SLC16A2: variants seen among roughly 807,000 people sequenced by gnomAD.
SLC16A2 encodes monocarboxylate transporter 8.
Under a neutral mutation model 27.2 loss-of-function variants are expected in SLC16A2, and 3 were observed. The ratio of observed to expected loss-of-function variants is 0.11; its 90% CI spans 0.05 to 0.28. The LOEUF is 0.28. Among genes scored for constraint, SLC16A2 ranks in the 10% least tolerant of loss-of-function variants. The probability of loss-of-function intolerance (pLI) is 1.00; values close to 1 mark genes in which losing one functional copy is unlikely to be tolerated. For missense variants in SLC16A2, 295 were observed against 458.5 expected (o/e 0.64, Z 3.26); for synonymous variants, 202 against 187.8 (o/e 1.08, Z -0.62).
chrX:74,472,676 T>C (rs1224850656), intron 1 of SLC16A2, among the ~76,000 whole-genome samples: 1 of 110,636 alleles, frequency 9.0e-6, no homozygotes, highest in Non-Finnish European at 1.9e-5. Flanking sequence ...TCTTCTTTTT[T>C]TTTAAAAAGA....
chrX:74,429,578 T>C (rs1385619919), intron 1 of SLC16A2, among the ~76,000 whole-genome samples: 1 of 110,946 alleles, frequency 9.0e-6, no homozygotes, highest in African/African-American at 3.3e-5. Flanking sequence ...GAAAGGGAAA[T>C]GTTGCCAAAC....
chrX:74,524,844 C>T lies in SLC16A2; in HGVS notation c.1026+35C>T, dbSNP rs151072741. On this transcript the variant is annotated intron_variant, in intron 3 of 5. Coordinates refer to ENST00000587091, the MANE Select transcript of SLC16A2 (RefSeq NM_006517.5). ...ACCAGAGTGGGCCCACCCCACCTGG[C>T]CCCAAGAAGCTACCCTCAACCTGCC... The T allele has an allele frequency of 6.7e-4, 757 of 1,135,741 alleles. 5 individuals are homozygous for T. The East Asian group carries it at 0.022, about 33-fold the overall frequency. 93.6% of individuals were successfully genotyped at this position (1,135,741 alleles called of 1,213,427 possible). A position where few individuals can be genotyped will look rare whatever the true frequency, so the allele number is the denominator to read the frequency against.
chrX:74,437,915 C>T (rs1414223458), intron 1 of SLC16A2, among the ~76,000 whole-genome samples: 1 of 112,069 alleles, frequency 8.9e-6, no homozygotes, highest in Non-Finnish European at 1.9e-5. Flanking sequence ...TCATCTGTGT[C>T]CCATGAGTGG....
At chrX:74,518,101 T>C (rs1166778562) in intron 1 of SLC16A2, among the ~76,000 whole-genome samples, 2 of 112,271 alleles carry the variant, frequency 1.8e-5, no homozygotes, top group Admixed American at 1.9e-4. Context: ...GTTCAGGTTT[T>C]TGTGTGAACA....
At chrX:74,428,586 C>G (rs1239008406) in intron 1 of SLC16A2, among the ~76,000 whole-genome samples, 1 of 111,143 alleles carries the variant, frequency 9.0e-6, no homozygotes, top group East Asian at 2.8e-4. Flanking sequence ...GCCAGAGTCA[C>G]AGGCCCACTC....
chrX:74,448,803 C>T (rs1928885679), intron 1 of SLC16A2, among the ~76,000 whole-genome samples: 1 of 111,615 alleles, frequency 9.0e-6, no homozygotes. Flanking sequence ...GAGTGTTGAT[C>T]TCAGGGGAAT....
At chrX:74,484,460 G>A (rs1929680266) in intron 1 of SLC16A2, among the ~76,000 whole-genome samples, 1 of 112,068 alleles carries the variant, frequency 8.9e-6, no homozygotes, top group Non-Finnish European at 1.9e-5. Flanking sequence ...AAGTTTTATT[G>A]TGCGGAGGAA....
chrX:74,439,764 A>G, intron 1 of SLC16A2, among the ~76,000 whole-genome samples: 1 of 109,678 alleles, frequency 9.1e-6, no homozygotes, highest in Non-Finnish European at 1.9e-5. Flanking sequence ...ATTAGAGCCT[A>G]AGGTTTTGGA....
At chrX:74,454,738 A>G (rs1929012137) in intron 1 of SLC16A2, among the ~76,000 whole-genome samples, 1 of 110,961 alleles carries the variant, frequency 9.0e-6, no homozygotes, top group Admixed American at 9.6e-5. Flanking sequence ...AAAAAATTCT[A>G]CCGCTGGGCT....
intron 1 of SLC16A2, among the ~76,000 whole-genome samples, chrX:74,474,106 A>C (rs1268141519): frequency 3.6e-5 from 4 of 112,183 alleles, no homozygotes; most frequent in Non-Finnish European, 7.5e-5. Flanking sequence ...TCTGCAAAGA[A>C]AATGCAGCCA....
At chrX:74,491,570 TC>T (rs1929825369) in intron 1 of SLC16A2, among the ~76,000 whole-genome samples, 1 of 112,106 alleles carries the variant, frequency 8.9e-6, no homozygotes, top group Non-Finnish European at 1.9e-5. Context: ...TGAGGCATGT[TC>T]GACTCCCACT....
Position 74,421,678 on chromosome X carries a change from C to T in SLC16A2, c.41C>T (p.Pro14Leu). The change falls in exon 1 of 6, where the codon CCC becomes CTC. Residue 14 changes from proline to leucine, a missense_variant. By Grantham distance (98) the Pro-to-Leu change is moderately conservative. Transcript: ENST00000587091. ...QSQASEEAKG[P>L]WQEADQEQQE... ...CAGGCGAGCGAGGAAGCAAAGGGGC[C>T]CTGGCAGGAGGCAGACCAGGAACAG... 1 of 1,199,817 alleles carries T rather than the reference C, an allele frequency of 8.3e-7. No homozygotes were observed. Among genetic ancestry groups the T allele is most frequent in the African/African-American group, 1.7e-5 (1 of 57,867 alleles).
chrX:74,459,183 C>T (rs993626575), intron 1 of SLC16A2, among the ~76,000 whole-genome samples: 1 of 16,243 alleles, frequency 6.2e-5, no homozygotes, highest in African/African-American at 2.4e-4. Context: ...GCCATGACTC[C>T]GATCTTGATC....
At chrX:74,511,937 G>A (rs1285625552) in intron 1 of SLC16A2, among the ~76,000 whole-genome samples, 1 of 111,898 alleles carries the variant, frequency 8.9e-6, no homozygotes, top group Admixed American at 9.5e-5. Context: ...AGAGATAAGG[G>A]CTCCTGTTAT....
At chrX:74,429,287 G>C (rs369282597) in intron 1 of SLC16A2, among the ~76,000 whole-genome samples, 2 of 111,269 alleles carry the variant, frequency 1.8e-5, no homozygotes, top group Admixed American at 9.6e-5. Context: ...GGGCAACATA[G>C]GGATACCCCG....
At chrX:74,514,262 CAA>C (rs773831242) in intron 1 of SLC16A2, among the ~76,000 whole-genome samples, 15 of 67,087 alleles carry the variant, frequency 2.2e-4, no homozygotes, top group African/African-American at 2.2e-4. Context: ...GGAAGCAGAC[CAA>C]AAAAAAAAAA....
At chrX:74,445,132 A>T (rs1928815775) in intron 1 of SLC16A2, among the ~76,000 whole-genome samples, 1 of 112,030 alleles carries the variant, frequency 8.9e-6, no homozygotes, top group Non-Finnish European at 1.9e-5. Context: ...AGAGAAGTGA[A>T]GTAAAGGGCA....
At chrX:74,470,414 G>A (rs1338917751) in intron 1 of SLC16A2, among the ~76,000 whole-genome samples, 1 of 111,520 alleles carries the variant, frequency 9.0e-6, no homozygotes, top group Admixed American at 9.5e-5. Context: ...CTCCAAAGTG[G>A]GTGTACCATT....
At chrX:74,440,938 G>A (rs1459165016) in intron 1 of SLC16A2, among the ~76,000 whole-genome samples, 4 of 80,915 alleles carry the variant, frequency 4.9e-5, no homozygotes, top group East Asian at 7.2e-4. Context: ...TATTTTACAC[G>A]TGAGGAAAAA....
Sources: allele counts gnomAD v4.1 joint callset (sites outside exome capture counted in the v4.1 genomes callset), GRCh38; gene constraint gnomAD v4.1.1; transcripts MANE v1.5; gene names NCBI Gene and HGNC (gene_info 2026-07-23, HGNC 2026-07-21).